The following GAS7 variants were observed in gnomAD, a reference collection of about 807,000 sequenced individuals.
GAS7 encodes the protein growth arrest specific 7.
In GAS7, 28 loss-of-function variants were observed where a neutral mutation model predicts 71.1. That is an observed-to-expected ratio of 0.39 (90% CI 0.29 to 0.54). The LOEUF is 0.54. Ranked by LOEUF, GAS7 falls within the 20% of genes least tolerant of loss-of-function variation. GAS7 has a pLI of 0.62. For missense variants in GAS7, 436 were observed against 627.8 expected (o/e 0.69, Z 3.27); for synonymous variants, 258 against 245.8 (o/e 1.05, Z -0.46).
At chr17:10,128,550 A>G (rs971202448) in intron 1 of GAS7, among the ~76,000 whole-genome samples, 7 of 152,014 alleles carry the variant, frequency 4.6e-5, no homozygotes, top group African/African-American at 1.7e-4. Context: ...CCAGCATTTC[A>G]TTACTTACAT....
chr17:10,031,107 C>T (rs2072606855), intron 1 of GAS7, among the ~76,000 whole-genome samples: 1 of 152,192 alleles, frequency 6.6e-6, no homozygotes, highest in Admixed American at 6.5e-5. Context: ...CAGCCATGGG[C>T]CTGAAGGCTG....
chr17:9,929,719 C>T (rs1017777582), intron 9 of GAS7, among the ~76,000 whole-genome samples: 9 of 152,060 alleles, frequency 5.9e-5, no homozygotes, highest in African/African-American at 1.9e-4. Context: ...CCTCATGATC[C>T]GCCCGCCTCG....
intron 2 of GAS7, among the ~76,000 whole-genome samples, chr17:10,011,975 C>CAAA (rs559918563): frequency 4.9e-4 from 43 of 87,058 alleles, no homozygotes; most frequent in South Asian, 2.7e-3. Flanking sequence ...AACTCCATCT[C>CAAA]AAAAAAAAAA....
intron 1 of GAS7, among the ~76,000 whole-genome samples, chr17:10,167,670 T>A (rs2074305974): frequency 6.6e-6 from 1 of 152,118 alleles, no homozygotes; most frequent in Non-Finnish European, 1.5e-5. Context: ...TTTTCTTTTT[T>A]TTTCTGTGTC....
intron 1 of GAS7, among the ~76,000 whole-genome samples, chr17:10,148,078 T>C (rs1013189355): frequency 6.6e-5 from 10 of 152,108 alleles, no homozygotes; most frequent in African/African-American, 2.2e-4. Flanking sequence ...ACCTGAAAAA[T>C]CATAAAGCAC....
intron 7 of GAS7, among the ~76,000 whole-genome samples, chr17:9,940,987 C>A (rs2068581587): frequency 6.6e-6 from 1 of 152,208 alleles, no homozygotes; most frequent in Non-Finnish European, 1.5e-5. Context: ...TTCGGAGAGC[C>A]CCTGGTCCAC....
chr17:9,935,047 C>T (rs920570409), intron 8 of GAS7, among the ~76,000 whole-genome samples: 8 of 152,266 alleles, frequency 5.3e-5, no homozygotes, highest in African/African-American at 1.4e-4. Context: ...CATGCCCAGC[C>T]GGAGAAGCTC....
At chr17:10,055,279 C>T (rs946885590) in intron 1 of GAS7, among the ~76,000 whole-genome samples, 9 of 152,180 alleles carry the variant, frequency 5.9e-5, no homozygotes, top group Non-Finnish European at 8.8e-5. Flanking sequence ...AGGTTGGATC[C>T]ATGCCTCGTG....
At chr17:10,023,119 T>C (rs1054677339) in intron 1 of GAS7, among the ~76,000 whole-genome samples, 4 of 152,204 alleles carry the variant, frequency 2.6e-5, no homozygotes, top group East Asian at 1.9e-4. Flanking sequence ...TGAAGGGCCA[T>C]GAGATGCTGA....
At chr17:10,037,893 C>T (rs558236240) in intron 1 of GAS7, among the ~76,000 whole-genome samples, 1 of 152,028 alleles carries the variant, frequency 6.6e-6, no homozygotes, top group Admixed American at 6.5e-5. Flanking sequence ...CAATAAAAAG[C>T]AAACAGCCCA....
At chr17:9,996,596 T>C (rs1278325882) in intron 2 of GAS7, among the ~76,000 whole-genome samples, 6 of 57,606 alleles carry the variant, frequency 1.0e-4, no homozygotes, top group African/African-American at 8.0e-4. Flanking sequence ...TATATATATG[T>C]GTGTGTGTGT....
At chr17:10,004,793 C>T (rs180674332) in intron 2 of GAS7, among the ~76,000 whole-genome samples, 12 of 152,252 alleles carry the variant, frequency 7.9e-5, no homozygotes, top group East Asian at 1.9e-4. Flanking sequence ...GGGCAGATCA[C>T]GAGGTCAGGA....
chr17:10,185,530 T>C (rs2074445553), intron 1 of GAS7, among the ~76,000 whole-genome samples: 1 of 152,230 alleles, frequency 6.6e-6, no homozygotes, highest in Non-Finnish European at 1.5e-5. Context: ...TGTTCATCTG[T>C]ATCCTTTATA....
At chr17:10,009,593 T>G (rs927145416) in intron 2 of GAS7, among the ~76,000 whole-genome samples, 18 of 150,770 alleles carry the variant, frequency 1.2e-4, no homozygotes, top group African/African-American at 4.1e-4. Context: ...AATCCCAACA[T>G]TTTGGGAGGC....
chr17:10,172,574 TGAG>T (rs1293773259), intron 1 of GAS7, among the ~76,000 whole-genome samples: 1 of 150,470 alleles, frequency 6.6e-6, no homozygotes, highest in Admixed American at 6.6e-5. Context: ...AAAGAAAAAA[TGAG>T]GAACATACAG....
chr17:9,947,042 C>A, intron 5 of GAS7, 59 bp from the exon 6 acceptor site: 2 of 1,185,810 alleles, frequency 1.7e-6, no homozygotes, highest in Admixed American at 1.7e-5. Flanking sequence ...GCGAGGAAGG[C>A]TTCGGCTCCT....
At chr17:10,081,045 G>A (rs568403718) in intron 1 of GAS7, among the ~76,000 whole-genome samples, 22 of 152,328 alleles carry the variant, frequency 1.4e-4, no homozygotes, top group African/African-American at 5.3e-4. Flanking sequence ...TTGGGCTCTT[G>A]CCTTATAACA....
At chr17:10,046,556 T>C (rs1201518927) in intron 1 of GAS7, among the ~76,000 whole-genome samples, 1 of 150,836 alleles carries the variant, frequency 6.6e-6, no homozygotes, top group African/African-American at 2.4e-5. Flanking sequence ...GCCAATATAG[T>C]GAAACCTCGT....
At chr17:9,982,749 C>A (rs1438392638) in intron 2 of GAS7, among the ~76,000 whole-genome samples, 2 of 149,460 alleles carry the variant, frequency 1.3e-5, no homozygotes, top group African/African-American at 5.0e-5. Context: ...GCACTCCAGC[C>A]TGGGAGACAG....
Sources: allele counts gnomAD v4.1 joint callset (sites outside exome capture counted in the v4.1 genomes callset), GRCh38; gene constraint gnomAD v4.1.1; transcripts MANE v1.5; gene names NCBI Gene and HGNC (gene_info 2026-07-23, HGNC 2026-07-21).